PPIL6: variants seen among roughly 807,000 people sequenced by gnomAD.
PPIL6 encodes the protein probable inactive peptidyl-prolyl cis-trans isomerase-like 6.
In PPIL6, 39 loss-of-function variants were observed where a neutral mutation model predicts 36.8. That is an observed-to-expected ratio of 1.06 (90% CI 0.82 to 1.38). PPIL6 has a LOEUF of 1.38. PPIL6 is among the 40% of genes most tolerant of loss of function. The pLI is 0.00. For missense variants in PPIL6, 368 were observed against 379.1 expected, an observed-to-expected ratio of 0.97 and a Z score of 0.24; for synonymous variants, 123 against 134.1, an observed-to-expected ratio of 0.92 and a Z score of 0.57.
At position 109,392,949 on chromosome 6, in the gene PPIL6, A is replaced by C; in HGVS notation, c.825-12T>G. 6.7e-7 allele frequency: 1 copy of C among 1,495,990 alleles called. No homozygotes were observed. Among genetic ancestry groups the C allele is most frequent in the Non-Finnish European group, 9.2e-7 (1 of 1,091,102 alleles). 92.7% of individuals were successfully genotyped at this position (1,495,990 alleles called of 1,614,324 possible). Reference sequence around the variant, plus strand: ...CTTCAATCAGTTGCCTACATAGGAGAAAAAAATGGAAAATTTAGTCAGTCA... The same window carrying C: ...CTTCAATCAGTTGCCTACATAGGAGCAAAAAATGGAAAATTTAGTCAGTCA... On this transcript the variant is annotated splice_polypyrimidine_tract_variant and intron_variant, in intron 7 of 7. Coordinates refer to ENST00000521072, the MANE Select transcript of PPIL6 (RefSeq NM_173672.5).
At chr6:109,437,744 G>A (rs982386281) in intron 1 of PPIL6, among the ~76,000 whole-genome samples, 7 of 151,968 alleles carry the variant, frequency 4.6e-5, no homozygotes, top group Non-Finnish European at 5.9e-5. Context: ...TAGCAGAGAC[G>A]AGGTTTCACC....
chr6:109,432,283 T>C (rs1774198916), intron 2 of PPIL6, among the ~76,000 whole-genome samples: 1 of 152,096 alleles, frequency 6.6e-6, no homozygotes, highest in Non-Finnish European at 1.5e-5. Flanking sequence ...GGGGCACAAC[T>C]AGGAGCAGTG....
chr6:109,392,582 C>T lies in PPIL6; in HGVS notation c.*244G>A. 1 of 424,932 alleles carries T rather than the reference C, an allele frequency of 2.4e-6. No homozygotes were observed. The highest frequency in any genetic ancestry group is 6.3e-4 in the Middle Eastern group (1 of 1,586). The allele number at this position is 424,932 out of a possible 1,614,324, so 26.3% of individuals were successfully genotyped here. A position where few individuals can be genotyped will look rare whatever the true frequency, so the allele number is the denominator to read the frequency against. On this transcript the variant is annotated 3_prime_UTR_variant, in exon 8 of 8. Coordinates refer to ENST00000521072, the MANE Select transcript of PPIL6 (RefSeq NM_173672.5). ...GGCGTTCTATTCCTGTCCCACTGGCCAGAACCATCTCTCATGGCCACCCGT... is the reference window on the plus strand; with the variant it reads ...GGCGTTCTATTCCTGTCCCACTGGCTAGAACCATCTCTCATGGCCACCCGT...
chr6:109,436,810 AG>A (rs1774475702), intron 1 of PPIL6, among the ~76,000 whole-genome samples: 1 of 152,238 alleles, frequency 6.6e-6, no homozygotes, highest in Non-Finnish European at 1.5e-5. Context: ...TCTGGCACAC[AG>A]CAGCTGAATA....
chr6:109,438,714 G>C (rs956533116), intron 1 of PPIL6, among the ~76,000 whole-genome samples: 3 of 151,674 alleles, frequency 2.0e-5, no homozygotes, highest in African/African-American at 7.3e-5. Flanking sequence ...TCAGCTTCCC[G>C]AGTAGCTGGG....
chr6:109,432,749 T>C (rs761368945), intron 2 of PPIL6, among the ~76,000 whole-genome samples: 6 of 151,702 alleles, frequency 4.0e-5, no homozygotes, highest in Non-Finnish European at 8.8e-5. Context: ...TGTGAGCCAC[T>C]GTAACCCGCC....
chr6:109,438,835 C>T (rs1256084785), intron 1 of PPIL6, among the ~76,000 whole-genome samples: 4 of 152,196 alleles, frequency 2.6e-5, no homozygotes, highest in Non-Finnish European at 4.4e-5. Context: ...GATCTGCCCG[C>T]CTCAGCCTCC....
chr6:109,407,091 A>G (rs1450461859), intron 6 of PPIL6, among the ~76,000 whole-genome samples: 1 of 152,252 alleles, frequency 6.6e-6, no homozygotes, highest in East Asian at 1.9e-4. Context: ...GTAAGAAATG[A>G]CATTTCAAAA....
chr6:109,441,006 G>A (rs980920021), upstream of PPIL6: 11 of 1,056,614 alleles, frequency 1.0e-5, no homozygotes, highest in Non-Finnish European at 1.4e-5. Flanking sequence ...CCACCTGTGC[G>A]CGCCGCCTGC....
At chr6:109,427,236 G>T in intron 3 of PPIL6, 80 bp from the exon 4 acceptor site, 2 of 866,032 alleles carry the variant, frequency 2.3e-6, no homozygotes, top group Non-Finnish European at 3.7e-6. Flanking sequence ...AAATACAGCA[G>T]ATACAATATT....
In PPIL6 at chr6:109,391,507, G is replaced by T. The variant is rs755755649; in HGVS notation, c.*1319C>A. ...CCAGCTGTCTAAATGGGAACCCTGG[G>T]GAAAGAGCTAAATGAACACAGAATC... On this transcript the variant is annotated 3_prime_UTR_variant, in exon 8 of 8. Coordinates refer to ENST00000521072, the MANE Select transcript of PPIL6 (RefSeq NM_173672.5). The T allele has an allele frequency of 1.3e-5, 2 of 151,904 alleles. No individual in the cohort carries two copies. Among genetic ancestry groups the T allele is most frequent in the Non-Finnish European group, 1.5e-5 (1 of 68,018 alleles). The allele number at this position is 151,904 out of a possible 1,614,324, so 9.4% of individuals were successfully genotyped here. A position where few individuals can be genotyped will look rare whatever the true frequency, so the allele number is the denominator to read the frequency against.
intron 5 of PPIL6, among the ~76,000 whole-genome samples, chr6:109,420,881 CT>C (rs1186999485): frequency 1.3e-5 from 2 of 152,314 alleles, no homozygotes; most frequent in African/African-American, 4.8e-5. Context: ...ACTCAGAAAG[CT>C]GGCTCAGAAG....
At chr6:109,393,884 C>A (rs1401115366) in intron 7 of PPIL6, among the ~76,000 whole-genome samples, 1 of 152,206 alleles carries the variant, frequency 6.6e-6, no homozygotes, top group African/African-American at 2.4e-5. Context: ...ATATTAAGTT[C>A]TCTGTCGCTC....
intron 2 of PPIL6, among the ~76,000 whole-genome samples, chr6:109,434,779 A>G (rs892384765): frequency 2.6e-5 from 4 of 152,244 alleles, no homozygotes; most frequent in Middle Eastern, 3.4e-3. Flanking sequence ...GACCATCTAC[A>G]AGACTAGGCC....
chr6:109,429,856 T>A (rs1158810644), intron 3 of PPIL6, among the ~76,000 whole-genome samples: 1 of 152,150 alleles, frequency 6.6e-6, no homozygotes, highest in Non-Finnish European at 1.5e-5. Flanking sequence ...AATACACACC[T>A]TTTCGCCTTC....
intron 7 of PPIL6, among the ~76,000 whole-genome samples, chr6:109,396,659 G>C (rs1021304409): frequency 1.3e-5 from 2 of 151,492 alleles, no homozygotes; most frequent in Non-Finnish European, 2.9e-5. Flanking sequence ...CACCTTACAA[G>C]TCTCTTAAAA....
chr6:109,400,003 A>G, intron 7 of PPIL6, 32 bp downstream of exon 7: 1 of 1,537,758 alleles, frequency 6.5e-7, no homozygotes, highest in Non-Finnish European at 8.9e-7. Flanking sequence ...ACAGGTGTGA[A>G]TATTATATAA....
At chr6:109,438,879 G>A (rs1774609542) in intron 1 of PPIL6, among the ~76,000 whole-genome samples, 2 of 152,168 alleles carry the variant, frequency 1.3e-5, no homozygotes, top group African/African-American at 2.4e-5. Context: ...GAGCCACCGC[G>A]CTCGGCCTGT....
Position 109,431,196 on chromosome 6 carries a change from G to A in PPIL6, c.381C>T (p.Leu127=). The change falls in exon 3 of 8, where the codon CTC becomes CTT. Residue 127 remains leucine (L), a synonymous_variant. Transcript: ENST00000521072. ...AGAACTTAGCGGAAAAATCCTCAGT[G>A]AGTGCGTCATAAAGTGCAGAGGGTT... ...DIKPSALYDA[L]TEDFSAKFLR... 1 of 1,611,836 alleles carries A rather than the reference G, an allele frequency of 6.2e-7. No homozygotes were observed. Among genetic ancestry groups the A allele is most frequent in the East Asian group, 2.2e-5 (1 of 44,872 alleles).
Sources: allele counts gnomAD v4.1 joint callset (sites outside exome capture counted in the v4.1 genomes callset), GRCh38; gene constraint gnomAD v4.1.1; transcripts MANE v1.5; gene names NCBI Gene and HGNC (gene_info 2026-07-23, HGNC 2026-07-21).